USP34: variants seen among roughly 807,000 people sequenced by gnomAD.
The protein encoded by USP34 is ubiquitin specific peptidase 34.
A neutral mutation model predicts 460.3 loss-of-function variants in USP34; 70 were observed. The observed-to-expected ratio is 0.15, with a 90% CI of 0.13 to 0.19. The LOEUF (loss-of-function observed/expected upper bound fraction) is 0.19. USP34 is among the 10% of genes least tolerant of loss of function. The pLI is 1.00. For missense variants in USP34, 3,985 were observed against 4,236.2 expected, an observed-to-expected ratio of 0.94 and a Z score of 1.65; for synonymous variants, 1,647 against 1,405.3, an observed-to-expected ratio of 1.17 and a Z score of -3.85.
At chr2:61,412,169 A>G (rs1480006255) in intron 2 of USP34, among the ~76,000 whole-genome samples, 2 of 147,166 alleles carry the variant, frequency 1.4e-5, no homozygotes, top group Non-Finnish European at 3.0e-5. Context: ...AGCCTGGGCA[A>G]CAAGAGCGAA....
intron 48 of USP34, among the ~76,000 whole-genome samples, chr2:61,252,989 T>C (rs1207990233): frequency 2.0e-5 from 3 of 152,200 alleles, no homozygotes; most frequent in Admixed American, 6.5e-5. Context: ...GCTTTGTCAG[T>C]AGCATATTAG....
At chr2:61,253,175 G>C (rs1220105144) in intron 48 of USP34, among the ~76,000 whole-genome samples, 2 of 152,136 alleles carry the variant, frequency 1.3e-5, no homozygotes, top group African/African-American at 4.8e-5. Flanking sequence ...AGATATAAAA[G>C]TATAGTAAGA....
intron 79 of USP34, 60 bp from the exon 80 acceptor site, chr2:61,188,769 G>T: frequency 1.3e-6 from 2 of 1,578,240 alleles, no homozygotes; most frequent in Non-Finnish European, 8.6e-7. Flanking sequence ...CACGTTAGGG[G>T]GGGATGTGGG....
chr2:61,407,883 G>A (rs1325894477), intron 2 of USP34, among the ~76,000 whole-genome samples: 1 of 152,090 alleles, frequency 6.6e-6, no homozygotes, highest in African/African-American at 2.4e-5. Context: ...GGGAGGCCGA[G>A]GTGCATGGAT....
rs777359305 is a variant in USP34, at chr2:61,204,493, G to A, written c.9259+4C>T. 6.8e-6 allele frequency: 11 copies of A among 1,613,212 alleles called. No homozygotes were observed. The highest frequency in any genetic ancestry group is 3.3e-5 in the Admixed American group (2 of 59,984). On this transcript the variant is annotated splice_donor_region_variant and intron_variant, in intron 73 of 79. Transcript: ENST00000398571. Reference sequence around the variant, plus strand: ...TTGAAGTACTGTGCTAGATAAATACGTACTTGGTATATTACTGTGATGGTA... The same window carrying A: ...TTGAAGTACTGTGCTAGATAAATACATACTTGGTATATTACTGTGATGGTA...
At chr2:61,233,791 T>A (rs1687985759) in intron 57 of USP34, among the ~76,000 whole-genome samples, 1 of 151,026 alleles carries the variant, frequency 6.6e-6, no homozygotes, top group African/African-American at 2.4e-5. Context: ...GCTATGACTG[T>A]GCACCACTGC....
chr2:61,344,208 TTAAA>T (rs558248532), intron 15 of USP34, among the ~76,000 whole-genome samples, 179 bp from the exon 16 acceptor site: 28 of 152,300 alleles, frequency 1.8e-4, no homozygotes, highest in African/African-American at 6.5e-4. Flanking sequence ...GTCAGAATTA[TTAAA>T]TAATTTTACA....
chr2:61,329,985 G>A (rs1300397427), intron 20 of USP34, among the ~76,000 whole-genome samples: 2 of 152,146 alleles, frequency 1.3e-5, no homozygotes, highest in East Asian at 1.9e-4. Flanking sequence ...ACTGAGGCAA[G>A]GAGACTAAAC....
intron 8 of USP34, among the ~76,000 whole-genome samples, chr2:61,371,060 A>T (rs966924141): frequency 6.6e-6 from 1 of 152,206 alleles, no homozygotes; most frequent in African/African-American, 2.4e-5. Flanking sequence ...ATAGATGAAA[A>T]GTGAAGTAAC....
At chr2:61,311,383 C>T (rs972202580) in intron 27 of USP34, among the ~76,000 whole-genome samples, 157 bp downstream of exon 27, 3 of 149,728 alleles carry the variant, frequency 2.0e-5, no homozygotes, top group Non-Finnish European at 3.0e-5. Flanking sequence ...AGTATTGTTA[C>T]AGCAACACAA....
chr2:61,438,422 G>A (rs1033700607), intron 1 of USP34, among the ~76,000 whole-genome samples: 1 of 152,090 alleles, frequency 6.6e-6, no homozygotes, highest in Non-Finnish European at 1.5e-5. Flanking sequence ...AGACCAGCCT[G>A]GCCAACATGG....
intron 27 of USP34, among the ~76,000 whole-genome samples, chr2:61,309,648 G>T (rs1450014475): frequency 6.6e-6 from 1 of 152,122 alleles, no homozygotes; most frequent in Non-Finnish European, 1.5e-5. Context: ...CCTACTGCTT[G>T]AATCAGTAGA....
intron 18 of USP34, among the ~76,000 whole-genome samples, chr2:61,335,831 T>C (rs941134726): frequency 1.3e-5 from 2 of 152,172 alleles, no homozygotes; most frequent in African/African-American, 4.8e-5. Context: ...TGAATTGCAC[T>C]AGTTGTTTGA....
chr2:61,333,856 A>G (rs765579164), intron 19 of USP34, 26 bp downstream of exon 19: 124 of 1,432,182 alleles, frequency 8.7e-5, no homozygotes, highest in Non-Finnish European at 1.1e-4. Flanking sequence ...CTTTAAAATA[A>G]ATACTTTTTT....
At chr2:61,307,815 A>AG (rs201601227) in intron 27 of USP34, among the ~76,000 whole-genome samples, 4,439 of 152,162 alleles carry the variant, frequency 0.029, 224 homozygotes, top group African/African-American at 0.1. Context: ...TGGACGGCCA[A>AG]GGGGGGAGGA....
intron 29 of USP34, among the ~76,000 whole-genome samples, chr2:61,299,728 G>A (rs369736259): frequency 6.6e-6 from 1 of 151,924 alleles, no homozygotes; most frequent in Non-Finnish European, 1.5e-5. Context: ...CTGCAGCCTG[G>A]GTGACACACT....
At chr2:61,443,116 G>C (rs1553392446) in intron 1 of USP34, among the ~76,000 whole-genome samples, 1 of 152,030 alleles carries the variant, frequency 6.6e-6, no homozygotes, top group Non-Finnish European at 1.5e-5. Context: ...GTAGAACAGA[G>C]GATACAAGAA....
intron 10 of USP34, among the ~76,000 whole-genome samples, chr2:61,356,261 G>A (rs1341509412): frequency 1.3e-5 from 2 of 152,024 alleles, no homozygotes; most frequent in South Asian, 4.2e-4. Context: ...GCCAAGGCGG[G>A]TGGATCACTT....
At chr2:61,236,639 G>C (rs559607885) in intron 53 of USP34, among the ~76,000 whole-genome samples, 16 of 152,228 alleles carry the variant, frequency 1.1e-4, no homozygotes, top group African/African-American at 3.9e-4. Context: ...TAAAAATGCT[G>C]CAAGAATTCT....
Sources: allele counts gnomAD v4.1 joint callset (sites outside exome capture counted in the v4.1 genomes callset), GRCh38; gene constraint gnomAD v4.1.1; transcripts MANE v1.5; gene names NCBI Gene and HGNC (gene_info 2026-07-23, HGNC 2026-07-21).